The following RPS6KA5 variants were observed in gnomAD, a reference collection of about 807,000 sequenced individuals.
RPS6KA5 encodes ribosomal protein S6 kinase alpha-5.
RPS6KA5 carries 27 observed loss-of-function variants against 85.5 expected under a neutral mutation model. That is an observed-to-expected ratio of 0.32 (90% CI 0.23 to 0.44). The LOEUF (loss-of-function observed/expected upper bound fraction) is 0.44, where lower values mean the gene tolerates loss of function less well. RPS6KA5 is among the 20% of genes least tolerant of loss of function. The probability of loss-of-function intolerance (pLI) is 1.00; values close to 1 mark genes in which losing one functional copy is unlikely to be tolerated. For synonymous variants in RPS6KA5, 334 were observed against 348.2 expected, an observed-to-expected ratio of 0.96 and a Z score of 0.46; for missense variants, 811 against 980.9, an observed-to-expected ratio of 0.83 and a Z score of 2.31.
intron 14 of RPS6KA5, among the ~76,000 whole-genome samples, chr14:90,880,903 G>A (rs1212534915): frequency 1.3e-5 from 2 of 149,404 alleles, no homozygotes; most frequent in East Asian, 2.0e-4. Flanking sequence ...GCGTAATCAC[G>A]ATTCACTGCA....
chr14:90,947,052 A>G (rs1344527369), intron 4 of RPS6KA5, among the ~76,000 whole-genome samples: 1 of 152,264 alleles, frequency 6.6e-6, no homozygotes, highest in Admixed American at 6.5e-5. Flanking sequence ...ATACACCCTG[A>G]AGATGTACAG....
intron 1 of RPS6KA5, among the ~76,000 whole-genome samples, chr14:91,059,067 C>G (rs1302943663): frequency 1.3e-5 from 2 of 152,188 alleles, no homozygotes; most frequent in Admixed American, 1.3e-4. Flanking sequence ...GTGGCTCACG[C>G]CTGTAATCCC....
intron 14 of RPS6KA5, among the ~76,000 whole-genome samples, chr14:90,881,810 T>G (rs979080826): frequency 6.6e-6 from 1 of 152,176 alleles, no homozygotes; most frequent in East Asian, 1.9e-4. Context: ...CCTGATCTCT[T>G]TTGGTTACTA....
At chr14:90,882,693 G>A (rs2033922345) in intron 14 of RPS6KA5, among the ~76,000 whole-genome samples, 1 of 151,872 alleles carries the variant, frequency 6.6e-6, no homozygotes, top group African/African-American at 2.4e-5. Flanking sequence ...CCCTTTTAGT[G>A]CTTTGAATGT....
At chr14:91,021,522 C>G (rs1252306081) in intron 1 of RPS6KA5, among the ~76,000 whole-genome samples, 1 of 152,170 alleles carries the variant, frequency 6.6e-6, no homozygotes, top group Admixed American at 6.5e-5. Flanking sequence ...TCGCGATTCT[C>G]CTGCCTCAGC....
In RPS6KA5 at chr14:90,927,937, C is replaced by CTT. The variant is rs386382140; in HGVS notation, c.619-4743_619-4742dup. On this transcript the variant is annotated intron_variant, in intron 5 of 16. Transcript: ENST00000614987. ...TTTTTCTCTTTCTTTCTTTTCTTTT[C>CTT]TTTTTTTTTTTTTTTTGAGACAAGG... Among the ~76,000 whole-genome samples, 425 of 136,486 alleles carry CTT rather than the reference C, an allele frequency of 3.1e-3. 4 individuals carry two copies. Among genetic ancestry groups the CTT allele is most frequent in the African/African-American group, 6.5e-3 (243 of 37,432 alleles). The allele number at this position is 136,486 out of a possible 152,430, so 89.5% of individuals were successfully genotyped here. A position where few individuals can be genotyped will look rare whatever the true frequency, so the allele number is the denominator to read the frequency against.
intron 2 of RPS6KA5, among the ~76,000 whole-genome samples, chr14:90,994,213 CTTT>C (rs1161936376): frequency 6.6e-6 from 1 of 152,118 alleles, no homozygotes; most frequent in Non-Finnish European, 1.5e-5. Flanking sequence ...TATGCTATCT[CTTT>C]TTTCTCCATT....
chr14:91,000,827 T>C (rs969370552), intron 2 of RPS6KA5, among the ~76,000 whole-genome samples: 5 of 151,992 alleles, frequency 3.3e-5, no homozygotes, highest in Non-Finnish European at 5.9e-5. Flanking sequence ...AAATAAAATA[T>C]TGTGTCCTGT....
At chr14:90,993,725 G>C (rs984438311) in intron 2 of RPS6KA5, among the ~76,000 whole-genome samples, 1 of 152,042 alleles carries the variant, frequency 6.6e-6, no homozygotes, top group African/African-American at 2.4e-5. Flanking sequence ...GTTTCTCTCT[G>C]ATGTATCTAC....
chr14:90,954,942 C>T (rs775781221), intron 3 of RPS6KA5, among the ~76,000 whole-genome samples: 2 of 151,576 alleles, frequency 1.3e-5, no homozygotes, highest in Non-Finnish European at 2.9e-5. Flanking sequence ...ATAGTAATGT[C>T]CTTTCTTTCA....
At chr14:90,974,037 CAAAAAAAA>C (rs56212923) in intron 3 of RPS6KA5, among the ~76,000 whole-genome samples, 2 of 61,444 alleles carry the variant, frequency 3.3e-5, no homozygotes, top group Non-Finnish European at 5.8e-5. Context: ...GACTCCATCT[CAAAAAAAA>C]AAAAAAAAAA....
At chr14:90,983,797 C>CTCTCTCTCTCTCTG (rs2039920817) in intron 2 of RPS6KA5, among the ~76,000 whole-genome samples, 1 of 117,842 alleles carries the variant, frequency 8.5e-6, no homozygotes, top group Non-Finnish European at 1.7e-5. Context: ...TTCTCTCTCT[C>CTCTCTCTCTCTCTG]TCTCTCTCTC....
At chr14:90,921,745 CATG>C (rs1280918838) in intron 6 of RPS6KA5, among the ~76,000 whole-genome samples, 1 of 152,146 alleles carries the variant, frequency 6.6e-6, no homozygotes, top group African/African-American at 2.4e-5. Flanking sequence ...CTTTTAAATA[CATG>C]ATTAGTCGTC....
intron 15 of RPS6KA5, among the ~76,000 whole-genome samples, chr14:90,874,251 T>C (rs1373328148): frequency 6.6e-6 from 1 of 152,158 alleles, no homozygotes; most frequent in Non-Finnish European, 1.5e-5. Flanking sequence ...CCAGCTATTA[T>C]AACATCAGGG....
chr14:90,885,531 C>G (rs1173471237), intron 14 of RPS6KA5, among the ~76,000 whole-genome samples: 2 of 74,544 alleles, frequency 2.7e-5, no homozygotes, highest in African/African-American at 1.2e-4. Context: ...CCAGCCTGGG[C>G]GACAGAGCGA....
chr14:90,978,532 TGAAAA>T lies in RPS6KA5; in HGVS notation c.176-13_176-9del. 1 of 1,555,564 alleles carries T rather than the reference TGAAAA, an allele frequency of 6.4e-7. No individual in the cohort carries two copies. The stretch of plus-strand genomic sequence containing the variant: ...GAAATACTTTTCCATAAGCTGAAAA[TGAAAA>T]GAAAAAATAAAAAGAATTAAAATGC... On this transcript the variant is annotated splice_polypyrimidine_tract_variant and intron_variant, in intron 2 of 16. Transcript: ENST00000614987.
rs1341651117 is a variant in RPS6KA5, at chr14:91,055,101, T to G, written c.103+5231A>C. On this transcript the variant is annotated intron_variant, in intron 1 of 16. Coordinates refer to ENST00000614987, the MANE Select transcript of RPS6KA5 (RefSeq NM_004755.4). ...GAAAATCACTTCACACTCCCTATGATAAGCAAAAAGACAGACAATGTTGGT... is the reference window on the plus strand; with the variant it reads ...GAAAATCACTTCACACTCCCTATGAGAAGCAAAAAGACAGACAATGTTGGT... Among the ~76,000 whole-genome samples the G allele has an allele frequency of 2.0e-5, 3 of 152,328 alleles. No individual in the cohort carries two copies. In the East Asian group the frequency reaches 5.8e-4, roughly 29 times the overall value.
At chr14:91,032,301 G>A (rs1265513254) in intron 1 of RPS6KA5, among the ~76,000 whole-genome samples, 1 of 152,202 alleles carries the variant, frequency 6.6e-6, no homozygotes. Context: ...TGCCAGAGCA[G>A]AAAGAGTCTA....
chr14:91,046,311 A>C (rs2042869369), intron 1 of RPS6KA5, among the ~76,000 whole-genome samples: 1 of 152,228 alleles, frequency 6.6e-6, no homozygotes, highest in Non-Finnish European at 1.5e-5. Flanking sequence ...TGCCCAACTT[A>C]TACAAGACAA....
Sources: allele counts gnomAD v4.1 joint callset (sites outside exome capture counted in the v4.1 genomes callset), GRCh38; gene constraint gnomAD v4.1.1; transcripts MANE v1.5; gene names NCBI Gene and HGNC (gene_info 2026-07-23, HGNC 2026-07-21).